The following PRAME variants were observed in gnomAD, a reference collection of about 807,000 sequenced individuals.
PRAME encodes the protein PRAME nuclear receptor transcriptional regulator, also known as melanoma antigen preferentially expressed in tumors.
In PRAME, 21 loss-of-function variants were observed where a neutral mutation model predicts 32.1. That is an observed-to-expected ratio of 0.65 (90% CI 0.46 to 0.94). The LOEUF is 0.94. PRAME is among the 40% of genes least tolerant of loss of function. The pLI is 0.00. For synonymous variants in PRAME, 274 were observed against 251.5 expected (o/e 1.09, Z -0.85); for missense variants, 651 against 622.3 (o/e 1.05, Z -0.49).
At position 22,550,988 on chromosome 22, in the gene PRAME, G is replaced by GA; in HGVS notation, c.122_123insT (p.Ile42HisfsTer21). 1 of 1,613,376 alleles carries GA rather than the reference G, an allele frequency of 6.2e-7. No homozygotes were observed. Among genetic ancestry groups the GA allele is most frequent in the South Asian group, 1.1e-5 (1 of 91,046 alleles). On this transcript the variant is annotated frameshift_variant, in exon 4 of 6. Coordinates refer to ENST00000405655, the MANE Select transcript of PRAME (RefSeq NM_206956.3). LOFTEE classifies it high-confidence loss of function. ...TGGGCAGCAACTCCAGGGCGGCAAT[G>GA]GCCAGGGCCTCATCCTTCAGCAGGC... is the stretch of plus-strand genomic sequence containing the variant.
Position 22,550,201 on chromosome 22 carries a change from T to C in PRAME, c.478A>G (p.Lys160Glu), listed in dbSNP as rs560281157. ...EAAQPMTKKR[K>E]VDGLSTEAEQ... ...GCCTCTGTGCTCAAACCATCTACTT[T>C]TCGCTTCTTTGTCATGGGCTGAGCT... The change falls in exon 5 of 6, where the codon AAA becomes GAA. Residue 160 changes from lysine (K) to glutamate (E), a missense_variant. Coordinates refer to ENST00000405655, the MANE Select transcript of PRAME (RefSeq NM_206956.3). The C allele has an allele frequency of 3.2e-5, 52 of 1,613,828 alleles. No homozygotes were observed. The South Asian group carries it at 5.6e-4, about 17-fold the overall frequency.
Position 22,548,577 on chromosome 22 carries a change from C to T in PRAME, c.1020G>A (p.Met340Ile), listed in dbSNP as rs749620212. Residue 340 changes from methionine (M) to isoleucine (I), a missense_variant, in exon 6 of 6, where the codon ATG (methionine) becomes ATA (isoleucine). By Grantham distance (10) the Met-to-Ile change is conservative (BLOSUM62 1). Coordinates refer to ENST00000405655, the MANE Select transcript of PRAME (RefSeq NM_206956.3). The part of the protein sequence containing the change: ...TNCRLSEGDV[M>I]HLSQSPSVSQ... Reference sequence around the variant, plus strand: ...TGACGCTGGGACTCTGGGACAGATGCATCACATCCCCTTCCGAAAGCCGGC... The same window carrying T: ...TGACGCTGGGACTCTGGGACAGATGTATCACATCCCCTTCCGAAAGCCGGC... 3.7e-6 allele frequency: 6 copies of T among 1,612,564 alleles called. No homozygotes were observed. The East Asian group carries it at 8.9e-5, about 24-fold the overall frequency.
chr22:22,551,198 A>T, intron 3 of PRAME, 109 bp from the exon 4 acceptor site: 1 of 1,016,966 alleles, frequency 9.8e-7, no homozygotes, highest in East Asian at 2.5e-5. Flanking sequence ...TCACTGTGCT[A>T]GCAACAGCAG....
Position 22,559,181 on chromosome 22 carries a change from A to G in PRAME, c.-324T>C, listed in dbSNP as rs2063181681. The G allele has an allele frequency of 7.1e-6, 2 of 282,100 alleles. No individual in the cohort carries two copies. Among genetic ancestry groups the G allele is most frequent in the Non-Finnish European group, 1.4e-5 (2 of 145,772 alleles). The allele number at this position is 282,100 out of a possible 1,614,324, so 17.5% of individuals were successfully genotyped here. A position where few individuals can be genotyped will look rare whatever the true frequency, so the allele number is the denominator to read the frequency against. The stretch of plus-strand genomic sequence containing the variant: ...TTTTGTCGCCAATACAGACCTGTTG[A>G]CAGGTCACGCCTGGGAAGCGGGTGG... On this transcript the variant is annotated 5_prime_UTR_variant, in exon 1 of 6. Coordinates refer to ENST00000405655, the MANE Select transcript of PRAME (RefSeq NM_206956.3).
intron 2 of PRAME, 42 bp from the exon 3 acceptor site, chr22:22,556,951 GT>G: frequency 1.6e-6 from 2 of 1,285,660 alleles, no homozygotes; most frequent in Non-Finnish European, 2.3e-6. Flanking sequence ...AAGAATACAT[GT>G]ATAATATTTA....
At chr22:22,551,354 A>G (rs936307353) in intron 3 of PRAME, among the ~76,000 whole-genome samples, 3 of 151,890 alleles carry the variant, frequency 2.0e-5, no homozygotes, top group African/African-American at 7.3e-5. Flanking sequence ...CCACTACTCT[A>G]TTTAATTCTA....
rs779148263 is a variant in PRAME at position 22,550,842 on chromosome 22, T to G, written c.269A>C (p.Gln90Pro). 21 of 1,613,140 alleles carry G rather than the reference T, an allele frequency of 1.3e-5. No homozygotes were observed. Among genetic ancestry groups the G allele is most frequent in the Non-Finnish European group, 1.8e-5 (21 of 1,179,526 alleles). ...CLPLGVLMKG[Q>P]HLHLETFKAV... ...TTTGAAGGTCTCCAGGTGAAGATGTTGTCCCTTCATCAGCACTCCCAGAGG... is the reference window on the plus strand; with the variant it reads ...TTTGAAGGTCTCCAGGTGAAGATGTGGTCCCTTCATCAGCACTCCCAGAGG... The change falls in exon 4 of 6, where the codon CAA (glutamine) becomes CCA (proline). Residue 90 changes from glutamine to proline, a missense_variant. By Grantham distance (76) the Gln-to-Pro change is moderately conservative. Transcript: ENST00000405655.
chr22:22,551,111 A>AAGGCATCCC, intron 3 of PRAME, 22 bp from the exon 4 acceptor site: 1 of 1,534,550 alleles, frequency 6.5e-7, no homozygotes, highest in Non-Finnish European at 8.8e-7. Context: ...TACAGGGAAC[A>AAGGCATCCC]AGGCATCCCT....
intron 3 of PRAME, among the ~76,000 whole-genome samples, chr22:22,551,996 T>A (rs183936224): frequency 6.6e-6 from 1 of 151,110 alleles, no homozygotes; most frequent in Non-Finnish European, 1.5e-5. Context: ...TGAAAAAGCC[T>A]CCACCCTCCA....
rs548462921 is a variant in PRAME, at chr22:22,555,310, C to T, written c.21+1502G>A. Among the ~76,000 whole-genome samples the T allele has an allele frequency of 2.0e-5, 3 of 151,952 alleles. No homozygotes were observed. In the East Asian group the frequency reaches 5.9e-4, roughly 30 times the overall value. On this transcript the variant is annotated intron_variant, in intron 3 of 5. Transcript: ENST00000405655. The stretch of plus-strand genomic sequence containing the variant: ...GGAGTGCAGTGGCGCAATCTTGGCT[C>T]ACTGCAACCTCTGCCTCCTGGGTTC...
intron 1 of PRAME, among the ~76,000 whole-genome samples, chr22:22,558,615 C>A (rs1339269284): frequency 7.2e-6 from 1 of 139,018 alleles, no homozygotes; most frequent in African/African-American, 2.7e-5. Context: ...TGCGGCCTTT[C>A]CCACCAGACA....
At chr22:22,556,932 T>C in intron 2 of PRAME, 23 bp from the exon 3 acceptor site, 1 of 1,467,002 alleles carries the variant, frequency 6.8e-7, no homozygotes, top group Non-Finnish European at 9.5e-7. Flanking sequence ...ATCAAAATGC[T>C]CCAAAAAGAA....
chr22:22,554,713 C>T (rs1430904380), intron 3 of PRAME, among the ~76,000 whole-genome samples: 4 of 151,918 alleles, frequency 2.6e-5, no homozygotes, highest in Non-Finnish European at 5.9e-5. Flanking sequence ...GAATTGGTAG[C>T]CCTTATGTGA....
At chr22:22,548,756 AGGATGCCATGCTGTAAC>A in intron 5 of PRAME, 113 bp from the exon 6 acceptor site, 1 of 968,970 alleles carries the variant, frequency 1.0e-6, no homozygotes, top group South Asian at 1.6e-5. Context: ...GTTAACCGCC[AGGATGCCATGCTGTAAC>A]GGAGCATTCA....
In PRAME at chr22:22,549,960, A is replaced by C. The variant is rs1199475364; in HGVS notation, c.719T>G (p.Val240Gly). Residue 240 changes from valine to glycine, a missense_variant, in exon 5 of 6, where the codon GTG (valine) becomes GGG (glycine). Transcript: ENST00000405655. ...GGTGGGTAGCTTCCAGGTACAAGTC[A>C]CTTCCAAATCTTCAATAGAGTCCAG... is the stretch of plus-strand genomic sequence containing the variant. ...VQLDSIEDLE[V>G]TCTWKLPTLA... The C allele has an allele frequency of 1.2e-6, 2 of 1,613,746 alleles. No individual in the cohort carries two copies. Among genetic ancestry groups the C allele is most frequent in the African/African-American group, 2.7e-5 (2 of 74,864 alleles).
rs770284146 is a variant in PRAME at position 22,556,848 on chromosome 22, G to T, written c.-16C>A. On this transcript the variant is annotated 5_prime_UTR_variant, in exon 3 of 6. Transcript: ENST00000405655. ...TTCGTTCCATTTTGAAGCGACTTAG[G>T]CTGGCCTCAGGACCTCCAACGCTTG... 1 of 1,612,836 alleles carries T rather than the reference G, an allele frequency of 6.2e-7. No individual in the cohort carries two copies. The highest frequency in any genetic ancestry group is 1.7e-5 in the Admixed American group (1 of 59,982).
rs924482915 is a variant in PRAME, at chr22:22,553,999, A to T, written c.21+2813T>A. 5.1e-6 allele frequency: 5 copies of T among 985,058 alleles called. No homozygotes were observed. In the African/African-American group the frequency reaches 8.7e-5, roughly 17 times the overall value. The allele number at this position is 985,058 out of a possible 1,614,324, so 61.0% of individuals were successfully genotyped here. Reference sequence around the variant, plus strand: ...TTTCTTGCCCCTAAGCTGCTCAGGTACAGAGATTCTGGTCAGCGAGATGCA... The same window carrying T: ...TTTCTTGCCCCTAAGCTGCTCAGGTTCAGAGATTCTGGTCAGCGAGATGCA... On this transcript the variant is annotated intron_variant, in intron 3 of 5. Coordinates refer to ENST00000405655, the MANE Select transcript of PRAME (RefSeq NM_206956.3).
intron 3 of PRAME, among the ~76,000 whole-genome samples, chr22:22,556,152 A>C (rs1379228404): frequency 6.6e-6 from 1 of 151,288 alleles, no homozygotes; most frequent in Non-Finnish European, 1.5e-5. Context: ...GATGTGGGCC[A>C]CCACGCCCAG....
chr22:22,558,805 G>A (rs1429156428), intron 1 of PRAME, among the ~76,000 whole-genome samples, 166 bp downstream of exon 1: 1 of 151,452 alleles, frequency 6.6e-6, no homozygotes, highest in Non-Finnish European at 1.5e-5. Context: ...TGGGATGCGG[G>A]GTGCAGGGGC....
Sources: gnomAD v4.1 joint callset for allele counts (sites outside exome capture counted in the v4.1 genomes callset) on GRCh38, gnomAD v4.1.1 for gene constraint, MANE v1.5 for transcripts, NCBI Gene and HGNC (gene_info 2026-07-23, HGNC 2026-07-21) for gene names.